The following PDLIM5 variants were observed in gnomAD, a reference collection of about 807,000 sequenced individuals.
PDLIM5 encodes the protein PDZ and LIM domain 5.
PDLIM5 carries 34 observed loss-of-function variants against 64.2 expected under a neutral mutation model. The ratio of observed to expected loss-of-function variants is 0.53; its 90% CI spans 0.40 to 0.71. The LOEUF (loss-of-function observed/expected upper bound fraction) is 0.71. PDLIM5 is among the 30% of genes least tolerant of loss of function. The pLI is 0.00. For missense variants in PDLIM5, 683 were observed against 733.6 expected (o/e 0.93, Z 0.80); for synonymous variants, 253 against 269.1 (o/e 0.94, Z 0.59).
chr4:94,468,826 G>A (rs1048819792), intron 2 of PDLIM5, among the ~76,000 whole-genome samples: 12 of 152,318 alleles, frequency 7.9e-5, no homozygotes, highest in African/African-American at 2.6e-4. Flanking sequence ...ACATGTCAGA[G>A]CCATAAGAAG....
chr4:94,527,937 A>T (rs759989304), intron 3 of PDLIM5, among the ~76,000 whole-genome samples: 3 of 152,226 alleles, frequency 2.0e-5, no homozygotes, highest in African/African-American at 7.2e-5. Flanking sequence ...GAATTGGTGT[A>T]CCAAACCATT....
intron 8 of PDLIM5, among the ~76,000 whole-genome samples, chr4:94,619,208 A>G (rs1053319375): frequency 2.6e-5 from 4 of 151,806 alleles, no homozygotes; most frequent in Admixed American, 1.3e-4. Flanking sequence ...TTATTTCTCA[A>G]ATTTCTTCTC....
chr4:94,472,179 C>CAT (rs1560637732), intron 2 of PDLIM5, among the ~76,000 whole-genome samples: 2 of 152,058 alleles, frequency 1.3e-5, no homozygotes, highest in African/African-American at 4.8e-5. Flanking sequence ...CACACACACG[C>CAT]ACACGCACCC....
At chr4:94,473,629 G>C (rs1725073002) in intron 2 of PDLIM5, among the ~76,000 whole-genome samples, 1 of 152,210 alleles carries the variant, frequency 6.6e-6, no homozygotes, top group Admixed American at 6.5e-5. Flanking sequence ...TTGTTGATGG[G>C]ACAGAAGCTC....
At chr4:94,455,994 A>G (rs1369492423) in intron 2 of PDLIM5, 11 of 1,442,620 alleles carry the variant, frequency 7.6e-6, no homozygotes, top group Non-Finnish European at 1.0e-5. Context: ...TTTTAAGGAT[A>G]TGTTTTCATG....
intron 2 of PDLIM5, among the ~76,000 whole-genome samples, chr4:94,469,960 A>ATTTTTTTTTTTTTTTTTTTTTT (rs34572366): frequency 1.4e-5 from 1 of 71,556 alleles, no homozygotes; most frequent in African/African-American, 6.1e-5. Context: ...CATTCTTTTA[A>ATTTTTTTTTTTTTTTTTTTTTT]TTTTTTTTTT....
At chr4:94,637,981 G>T (rs1024245877) in intron 8 of PDLIM5, among the ~76,000 whole-genome samples, 1 of 152,184 alleles carries the variant, frequency 6.6e-6, no homozygotes, top group Non-Finnish European at 1.5e-5. Context: ...AGTTGTTAGG[G>T]TCTGGGGACT....
chr4:94,637,887 T>G (rs1168708105), intron 8 of PDLIM5, among the ~76,000 whole-genome samples: 2 of 152,124 alleles, frequency 1.3e-5, no homozygotes, highest in African/African-American at 4.8e-5. Flanking sequence ...TTTGAGGAAT[T>G]CAAGACCAGA....
chr4:94,600,824 A>G (rs1373977032), intron 7 of PDLIM5, among the ~76,000 whole-genome samples: 3 of 152,172 alleles, frequency 2.0e-5, no homozygotes, highest in Non-Finnish European at 2.9e-5. Flanking sequence ...TCTTCATATT[A>G]TATTTGCATT....
chr4:94,469,440 A>C (rs1227640087), intron 2 of PDLIM5, among the ~76,000 whole-genome samples: 1 of 152,168 alleles, frequency 6.6e-6, no homozygotes, highest in Non-Finnish European at 1.5e-5. Context: ...GCAGGCACAG[A>C]GATTAGCAAG....
chr4:94,596,664 A>G (rs1009371264), intron 7 of PDLIM5, among the ~76,000 whole-genome samples: 1 of 152,024 alleles, frequency 6.6e-6, no homozygotes, highest in Non-Finnish European at 1.5e-5. Flanking sequence ...TGTATTTCAG[A>G]CACATTGCAG....
intron 3 of PDLIM5, among the ~76,000 whole-genome samples, chr4:94,570,879 G>A (rs543424455): frequency 2.0e-5 from 3 of 152,162 alleles, no homozygotes; most frequent in African/African-American, 7.2e-5. Context: ...GATTGTTTAC[G>A]AGTTAAGTAT....
intron 2 of PDLIM5, among the ~76,000 whole-genome samples, chr4:94,523,478 A>C (rs1005012082): frequency 6.6e-6 from 1 of 152,236 alleles, no homozygotes; most frequent in Non-Finnish European, 1.5e-5. Context: ...AGAAATGATC[A>C]GGGAATCTTT....
At chr4:94,652,352 C>A (rs72880450) in intron 9 of PDLIM5, among the ~76,000 whole-genome samples, 1 of 152,086 alleles carries the variant, frequency 6.6e-6, no homozygotes, top group Non-Finnish European at 1.5e-5. Context: ...AGCATGAAAC[C>A]CCAAAGCTCT....
At chr4:94,551,458 G>A (rs1024746673) in intron 3 of PDLIM5, among the ~76,000 whole-genome samples, 1 of 152,082 alleles carries the variant, frequency 6.6e-6, no homozygotes, top group Non-Finnish European at 1.5e-5. Flanking sequence ...TCAAGACCCT[G>A]TAACTTTATT....
chr4:94,494,432 G>GTTTTTTTTT (rs61675663), intron 2 of PDLIM5, among the ~76,000 whole-genome samples: 4 of 70,770 alleles, frequency 5.7e-5, no homozygotes, highest in Non-Finnish European at 5.5e-5. Flanking sequence ...TTTTTTTCTT[G>GTTTTTTTTT]TTTTTTTTTT....
At chr4:94,593,582 C>T (rs1736841483) in intron 7 of PDLIM5, among the ~76,000 whole-genome samples, 1 of 152,088 alleles carries the variant, frequency 6.6e-6, no homozygotes, top group South Asian at 2.1e-4. Context: ...GTCTCTTCTT[C>T]TCATGAGGAC....
At chr4:94,544,453 G>A (rs1027754578) in intron 3 of PDLIM5, among the ~76,000 whole-genome samples, 11 of 152,188 alleles carry the variant, frequency 7.2e-5, no homozygotes, top group African/African-American at 2.7e-4. Flanking sequence ...CAGTGTGGGA[G>A]TGGGCTCAAG....
intron 5 of PDLIM5, chr4:94,579,634 A>G: frequency 1.9e-6 from 1 of 516,596 alleles, no homozygotes; most frequent in Non-Finnish European, 3.5e-6. Flanking sequence ...AAATTTTGCA[A>G]AAGAGCTGTA....
Sources: allele counts gnomAD v4.1 joint callset (sites outside exome capture counted in the v4.1 genomes callset), GRCh38; gene constraint gnomAD v4.1.1; transcripts MANE v1.5; gene names NCBI Gene and HGNC (gene_info 2026-07-23, HGNC 2026-07-21).